The following GLRX3 variants were observed in gnomAD, a reference collection of about 807,000 sequenced individuals.
GLRX3 encodes glutaredoxin-3.
GLRX3 carries 22 observed loss-of-function variants against 49.5 expected under a neutral mutation model. That is an observed-to-expected ratio of 0.44 (90% CI 0.32 to 0.63). GLRX3 has a LOEUF of 0.63. Among genes scored for constraint, GLRX3 ranks in the 30% least tolerant of loss-of-function variants. GLRX3 has a pLI of 0.05. For synonymous variants in GLRX3, 133 were observed against 140.0 expected (o/e 0.95, Z 0.35); for missense variants, 385 against 396.3 (o/e 0.97, Z 0.24).
At chr10:130,154,358 C>T (rs912309112) in intron 2 of GLRX3, among the ~76,000 whole-genome samples, 1 of 152,294 alleles carries the variant, frequency 6.6e-6, no homozygotes, top group South Asian at 2.1e-4. Context: ...CCAACCAGTC[C>T]CAATAAGATG....
chr10:130,157,490 GCCGCCCCCCCCCCCCCCC>G (rs1564993144), intron 2 of GLRX3, among the ~76,000 whole-genome samples: 4 of 11,958 alleles, frequency 3.3e-4, no homozygotes, highest in African/African-American at 1.1e-3. Context: ...GATGGTGGCC[GCCGCCCCCCCCCCCCCCC>G]CCCCCCCCCG....
At chr10:130,162,007 G>A (rs981605306) in intron 4 of GLRX3, among the ~76,000 whole-genome samples, 4 of 152,038 alleles carry the variant, frequency 2.6e-5, no homozygotes, top group South Asian at 2.1e-4. Context: ...ATGGAATTTC[G>A]CTCTTGTTGC....
At chr10:130,150,239 C>CAAA (rs35014993) in intron 2 of GLRX3, among the ~76,000 whole-genome samples, 72 of 94,522 alleles carry the variant, frequency 7.6e-4, no homozygotes, top group African/African-American at 2.2e-3. Flanking sequence ...GACTCCATCT[C>CAAA]AAAAAAAAAA....
chr10:130,166,908 G>A lies in GLRX3; in HGVS notation c.652-11G>A. 1 of 1,552,562 alleles carries A rather than the reference G, an allele frequency of 6.4e-7. No individual in the cohort carries two copies. The highest frequency in any genetic ancestry group is 8.8e-7 in the Non-Finnish European group (1 of 1,136,626). ...TTTTTTTCATAAAACTGGTATGTGTGCTTATTTTAGGAGCTAGAAGCATCT... is the reference window on the plus strand; with the variant it reads ...TTTTTTTCATAAAACTGGTATGTGTACTTATTTTAGGAGCTAGAAGCATCT... On this transcript the variant is annotated splice_polypyrimidine_tract_variant and intron_variant, in intron 5 of 10. Coordinates refer to ENST00000331244, the MANE Select transcript of GLRX3 (RefSeq NM_006541.5).
At chr10:130,166,882 A>G in intron 5 of GLRX3, 37 bp from the exon 6 acceptor site, 1 of 1,339,190 alleles carries the variant, frequency 7.5e-7, no homozygotes. Flanking sequence ...TGTTATAATA[A>G]TTTTTTTCAT....
intron 2 of GLRX3, among the ~76,000 whole-genome samples, chr10:130,156,437 C>G (rs927089453): frequency 6.6e-5 from 10 of 152,208 alleles, no homozygotes; most frequent in African/African-American, 2.2e-4. Context: ...CATATACATT[C>G]AAATCATGGC....
chr10:130,159,881 C>A, intron 2 of GLRX3, 114 bp from the exon 3 acceptor site: 1 of 1,344,168 alleles, frequency 7.4e-7, no homozygotes, highest in Non-Finnish European at 1.0e-6. Flanking sequence ...TTGTACCATG[C>A]TCTTTAAAAA....
intron 2 of GLRX3, among the ~76,000 whole-genome samples, chr10:130,158,956 T>C (rs7069339): frequency 6.6e-6 from 1 of 152,050 alleles, no homozygotes; most frequent in Non-Finnish European, 1.5e-5. Context: ...AAATACATAG[T>C]ACTCTGCTTC....
At chr10:130,142,349 T>C (rs890341051) in intron 1 of GLRX3, among the ~76,000 whole-genome samples, 16 of 152,124 alleles carry the variant, frequency 1.1e-4, no homozygotes, top group African/African-American at 3.4e-4. Flanking sequence ...ACTTACCATT[T>C]ATTTGTAGCC....
At chr10:130,139,162 A>ATAAAAGTT (rs1390020364) in intron 1 of GLRX3, among the ~76,000 whole-genome samples, 4 of 152,034 alleles carry the variant, frequency 2.6e-5, no homozygotes, top group Middle Eastern at 3.4e-3. Flanking sequence ...GCCAAAATGG[A>ATAAAAGTT]TAAAAGTTTA....
intron 6 of GLRX3, 91 bp from the exon 7 acceptor site, chr10:130,169,342 T>A: frequency 1.3e-6 from 1 of 780,446 alleles, no homozygotes; most frequent in Non-Finnish European, 2.3e-6. Flanking sequence ...CATCCTGCCA[T>A]CCCTCAAATA....
intron 1 of GLRX3, among the ~76,000 whole-genome samples, chr10:130,138,847 GTTTT>G (rs61152449): frequency 7.5e-4 from 71 of 95,016 alleles, no homozygotes; most frequent in African/African-American, 2.3e-3. Flanking sequence ...GAATAAAAGT[GTTTT>G]TTTTTTTTTT....
chr10:130,172,072 T>G (rs1862821789), intron 8 of GLRX3, among the ~76,000 whole-genome samples: 1 of 152,270 alleles, frequency 6.6e-6, no homozygotes, highest in African/African-American at 2.4e-5. Context: ...TTTGCTGTAT[T>G]GTTTTGTGAA....
Position 130,145,293 on chromosome 10 carries a change from G to T in GLRX3, c.175G>T (p.Glu59Ter). The T allele has an allele frequency of 1.3e-6, 2 of 1,500,332 alleles. No homozygotes were observed. Among genetic ancestry groups the T allele is most frequent in the Non-Finnish European group, 1.9e-6 (2 of 1,076,636 alleles). The allele number at this position is 1,500,332 out of a possible 1,614,324, so 92.9% of individuals were successfully genotyped here. ...MNEVMAELAK[E>*]LPQVSFVKLE... The stretch of plus-strand genomic sequence containing the variant: ...CGAAGTTATGGCAGAGTTAGCTAAA[G>T]AACTCCCTCAAGTTTCATTTGTGAA... Residue 59 changes from glutamate to a stop codon, truncating the protein, a stop_gained, in exon 2 of 11, where the codon GAA becomes TAA. Transcript: ENST00000331244. LOFTEE classifies it high-confidence loss of function.
intron 2 of GLRX3, among the ~76,000 whole-genome samples, chr10:130,153,904 A>G (rs1862426949): frequency 6.6e-6 from 1 of 152,210 alleles, no homozygotes; most frequent in Non-Finnish European, 1.5e-5. Flanking sequence ...CAGAGGTGGA[A>G]TCTAGAGAGG....
chr10:130,166,786 C>T (rs1862699878), intron 5 of GLRX3, 107 bp downstream of exon 5: 12 of 944,360 alleles, frequency 1.3e-5, no homozygotes, highest in Non-Finnish European at 2.0e-5. Context: ...TCTATATTTA[C>T]TAATAAGAAC....
chr10:130,136,407 C>T lies in GLRX3; in HGVS notation c.-14C>T, dbSNP rs1414072255. 8.0e-6 allele frequency: 10 copies of T among 1,251,242 alleles called. No homozygotes were observed. Among genetic ancestry groups the T allele is most frequent in the South Asian group, 3.9e-5 (1 of 25,802 alleles). The allele number at this position is 1,251,242 out of a possible 1,614,324, so 77.5% of individuals were successfully genotyped here. A position where few individuals can be genotyped will look rare whatever the true frequency, so the allele number is the denominator to read the frequency against. ...GCCGCCGGCACTGGATTGCTTCTGT[C>T]TGGCGGCGGCAGCATGGCGGCGGGG... is the stretch of plus-strand genomic sequence containing the variant. On this transcript the variant is annotated 5_prime_UTR_variant, in exon 1 of 11. Transcript: ENST00000331244.
chr10:130,147,859 T>G (rs1862297481), intron 2 of GLRX3, among the ~76,000 whole-genome samples: 1 of 152,074 alleles, frequency 6.6e-6, no homozygotes, highest in African/African-American at 2.4e-5. Flanking sequence ...CTGATGCACA[T>G]AGCAAAACCA....
intron 2 of GLRX3, among the ~76,000 whole-genome samples, chr10:130,146,933 C>T (rs927742845): frequency 6.6e-6 from 1 of 152,166 alleles, no homozygotes; most frequent in South Asian, 2.1e-4. Context: ...TCAGTTGGCT[C>T]AAAATTCCAA....
Sources: gnomAD v4.1 joint callset for allele counts (sites outside exome capture counted in the v4.1 genomes callset) on GRCh38, gnomAD v4.1.1 for gene constraint, MANE v1.5 for transcripts, NCBI Gene and HGNC (gene_info 2026-07-23, HGNC 2026-07-21) for gene names.